The following LTBP1 variants were observed in gnomAD, a reference collection of about 807,000 sequenced individuals.
LTBP1 encodes the protein latent transforming growth factor beta binding protein 1.
A neutral mutation model predicts 207.6 loss-of-function variants in LTBP1; 129 were observed. That is an observed-to-expected ratio of 0.62 (90% CI 0.54 to 0.72). The LOEUF is 0.72. Ranked by LOEUF, LTBP1 falls within the 30% of genes least tolerant of loss-of-function variation. The pLI is 0.00. For synonymous variants in LTBP1, 963 were observed against 833.7 expected, an observed-to-expected ratio of 1.16 and a Z score of -2.67; for missense variants, 2,281 against 2,217.2, an observed-to-expected ratio of 1.03 and a Z score of -0.58.
chr2:33,170,710 A>G (rs1190352981), intron 5 of LTBP1, among the ~76,000 whole-genome samples: 3 of 151,886 alleles, frequency 2.0e-5, no homozygotes, highest in Non-Finnish European at 2.9e-5. Flanking sequence ...TGCCTCCTCA[A>G]GTGGGTCCCT....
intron 3 of LTBP1, among the ~76,000 whole-genome samples, chr2:33,035,425 T>C (rs1052575903): frequency 2.6e-5 from 4 of 152,216 alleles, no homozygotes; most frequent in African/African-American, 9.6e-5. Context: ...TATCTTTTCA[T>C]AGGCTAAACT....
At chr2:33,228,439 A>G (rs1027673555) in intron 9 of LTBP1, among the ~76,000 whole-genome samples, 3 of 152,194 alleles carry the variant, frequency 2.0e-5, no homozygotes, top group African/African-American at 4.8e-5. Context: ...TAAGTGCTAC[A>G]TGCAGGAATT....
chr2:33,335,961 C>T (rs1033759935), intron 24 of LTBP1, among the ~76,000 whole-genome samples: 3 of 152,188 alleles, frequency 2.0e-5, no homozygotes, highest in Non-Finnish European at 2.9e-5. Context: ...CGATGCTAGA[C>T]ATGGTCCTGT....
chr2:33,307,140 T>C (rs2094110993), intron 22 of LTBP1, among the ~76,000 whole-genome samples: 1 of 152,158 alleles, frequency 6.6e-6, no homozygotes, highest in Non-Finnish European at 1.5e-5. Context: ...AAAATAGTTG[T>C]AGAGCTGTCA....
intron 20 of LTBP1, among the ~76,000 whole-genome samples, chr2:33,295,273 C>G (rs2093852924): frequency 6.6e-6 from 1 of 151,964 alleles, no homozygotes; most frequent in South Asian, 2.1e-4. Flanking sequence ...TGTGGCCGGA[C>G]ACAGCACTTT....
chr2:33,145,851 C>T (rs566676136), intron 5 of LTBP1, among the ~76,000 whole-genome samples: 1 of 152,286 alleles, frequency 6.6e-6, no homozygotes, highest in East Asian at 1.9e-4. Flanking sequence ...AGTCTAAAGG[C>T]TGAAAATATC....
Position 33,009,970 on chromosome 2 carries a change from A to G in LTBP1, c.566-10939A>G, listed in dbSNP as rs145282392. On this transcript the variant is annotated intron_variant, in intron 2 of 33. Transcript: ENST00000404816. ...GGCACTGAATTAGATCTTCAGGAGA[A>G]GGGTCCAAGGATCAAGGAGGCCCTG... 7.1e-4 allele frequency among the ~76,000 whole-genome samples: 108 copies of G among 152,326 alleles called. 1 individual carries two copies. In the East Asian group the frequency reaches 0.02, roughly 29 times the overall value.
chr2:33,056,705 G>A (rs1033316437), intron 3 of LTBP1, among the ~76,000 whole-genome samples: 3 of 151,990 alleles, frequency 2.0e-5, no homozygotes, highest in African/African-American at 7.2e-5. Flanking sequence ...GAGTGAAGAT[G>A]CAGACCTTCG....
chr2:33,038,220 G>A (rs991345471), intron 3 of LTBP1, among the ~76,000 whole-genome samples: 1 of 152,238 alleles, frequency 6.6e-6, no homozygotes, highest in Admixed American at 6.5e-5. Context: ...TCTCACCTGA[G>A]ATTTATGCTG....
intron 19 of LTBP1, among the ~76,000 whole-genome samples, chr2:33,289,156 A>G (rs540425960): frequency 1.3e-5 from 2 of 152,296 alleles, no homozygotes; most frequent in South Asian, 4.1e-4. Flanking sequence ...GGCACTGTAG[A>G]TGAGAAGGAT....
intron 20 of LTBP1, among the ~76,000 whole-genome samples, chr2:33,299,504 A>G (rs1474912801): frequency 1.3e-5 from 2 of 152,184 alleles, no homozygotes; most frequent in African/African-American, 4.8e-5. Context: ...AGTGTTTTAT[A>G]TCTATTCCCT....
At chr2:33,393,231 CTTCTTTTTT>C (rs1574147352) in intron 32 of LTBP1, among the ~76,000 whole-genome samples, 2 of 78,328 alleles carry the variant, frequency 2.6e-5, no homozygotes, top group African/African-American at 5.2e-5. Flanking sequence ...TTTCCTTCTT[CTTCTTTTTT>C]TTTTTTTTTT....
intron 4 of LTBP1, among the ~76,000 whole-genome samples, chr2:33,132,350 C>T (rs1468960240): frequency 6.6e-6 from 1 of 151,946 alleles, no homozygotes; most frequent in Non-Finnish European, 1.5e-5. Context: ...AGGTAGACTC[C>T]CAGATAACTT....
At chr2:33,364,112 C>A (rs2150082548) in intron 29 of LTBP1, 104 bp from the exon 30 acceptor site, 1 of 1,103,254 alleles carries the variant, frequency 9.1e-7, no homozygotes, top group Non-Finnish European at 1.3e-6. Flanking sequence ...AATTTGGCAG[C>A]ACCTGGAATC....
chr2:33,067,087 C>T (rs532801732), intron 3 of LTBP1, among the ~76,000 whole-genome samples: 1 of 152,088 alleles, frequency 6.6e-6, no homozygotes, highest in Non-Finnish European at 1.5e-5. Flanking sequence ...CAGGAGGATT[C>T]CTTGAGCCCA....
intron 26 of LTBP1, among the ~76,000 whole-genome samples, chr2:33,350,068 G>A (rs369559371): frequency 1.3e-5 from 2 of 152,310 alleles, no homozygotes; most frequent in East Asian, 3.8e-4. Flanking sequence ...AAAAGAATCT[G>A]CTATTCCACA....
At chr2:33,044,835 G>T (rs1253044138) in intron 3 of LTBP1, among the ~76,000 whole-genome samples, 1 of 152,100 alleles carries the variant, frequency 6.6e-6, no homozygotes, top group Non-Finnish European at 1.5e-5. Context: ...TCTCATTGTG[G>T]TTTTGATTTG....
chr2:33,326,960 A>C (rs746042540), intron 24 of LTBP1, among the ~76,000 whole-genome samples: 1 of 152,144 alleles, frequency 6.6e-6, no homozygotes, highest in African/African-American at 2.4e-5. Context: ...ATATAATTTA[A>C]ATACTTTAAT....
At chr2:33,327,509 G>C (rs909916235) in intron 24 of LTBP1, among the ~76,000 whole-genome samples, 3 of 152,028 alleles carry the variant, frequency 2.0e-5, no homozygotes, top group Admixed American at 2.0e-4. Context: ...ATGGAGTTGA[G>C]TTTTTAAGGA....
Sources: allele counts gnomAD v4.1 joint callset (sites outside exome capture counted in the v4.1 genomes callset), GRCh38; gene constraint gnomAD v4.1.1; transcripts MANE v1.5; gene names NCBI Gene and HGNC (gene_info 2026-07-23, HGNC 2026-07-21).